The following ATP12A variants were observed in gnomAD, a reference collection of about 807,000 sequenced individuals.
ATP12A encodes the protein potassium-transporting ATPase alpha chain 2.
Under a neutral mutation model 111.2 loss-of-function variants are expected in ATP12A, and 81 were observed. The observed-to-expected ratio is 0.73, with a 90% CI of 0.61 to 0.88. ATP12A has a LOEUF of 0.88. Ranked by LOEUF, ATP12A falls within the 40% of genes least tolerant of loss-of-function variation. The pLI, the probability that ATP12A is intolerant of heterozygous loss-of-function variation, is 0.00. For synonymous variants in ATP12A, 498 were observed against 499.8 expected, an observed-to-expected ratio of 1.00 and a Z score of 0.05; for missense variants, 1,196 against 1,313.1, an observed-to-expected ratio of 0.91 and a Z score of 1.38.
Position 24,707,539 on chromosome 13 carries a change from G to A in ATP12A, c.2493+106G>A. 4 of 1,442,484 alleles carry A rather than the reference G, an allele frequency of 2.8e-6. No individual in the cohort carries two copies. The South Asian group carries it at 5.2e-5, about 19-fold the overall frequency. The allele number at this position is 1,442,484 out of a possible 1,614,324, so 89.4% of individuals were successfully genotyped here. A position where few individuals can be genotyped will look rare whatever the true frequency, so the allele number is the denominator to read the frequency against. On this transcript the variant is annotated intron_variant, in intron 17 of 22. Transcript: ENST00000381946. ...GGATGGACTAACTCAAGGCTTCTCA[G>A]CTTCCATGTGATGGGGCCTGTAGCT...
chr13:24,692,470 C>G lies in ATP12A; in HGVS notation c.1110C>G (p.Asn370Lys). Residue 370 changes from asparagine (N) to lysine (K), a missense_variant, in exon 9 of 23, where the codon AAC (asparagine) becomes AAG (lysine). This residue lies in a region of ATP12A where 1,126 missense variants were observed against 1,228.5 expected (regional missense o/e 0.92). Transcript: ENST00000381946. ...CAGCAAAACGGATGGCCAAGAAGAA[C>G]TGCCTGGTGAAGAACCTGGAGGCTG... ...SLTAKRMAKK[N>K]CLVKNLEAVE... is the part of the protein sequence containing the mutation. The G allele has an allele frequency of 2.5e-6, 4 of 1,614,168 alleles. No individual in the cohort carries two copies. The highest frequency in any genetic ancestry group is 3.4e-6 in the Non-Finnish European group (4 of 1,180,036).
At chr13:24,694,054 TC>T (rs1337136724) in intron 10 of ATP12A, among the ~76,000 whole-genome samples, 4 of 152,134 alleles carry the variant, frequency 2.6e-5, no homozygotes, top group African/African-American at 7.2e-5. Flanking sequence ...GCCCTCCAGG[TC>T]TTGCCACACC....
At position 24,694,468 on chromosome 13, in the gene ATP12A, G is replaced by T; in HGVS notation, c.1402G>T (p.Glu468Ter). 6.2e-7 allele frequency: 1 copy of T among 1,614,010 alleles called. No homozygotes were observed. The highest frequency in any genetic ancestry group is 8.5e-7 in the Non-Finnish European group (1 of 1,179,980). ...MKKAVIGDASETALLKFSEVI... is the reference protein window; with the variant it reads ...MKKAVIGDAS Reference sequence around the variant, plus strand: ...GAAAGCTGTGATTGGAGATGCCTCAGAAACTGCTCTTTTAAAATTCTCAGA... The same window carrying T: ...GAAAGCTGTGATTGGAGATGCCTCATAAACTGCTCTTTTAAAATTCTCAGA... Residue 468 changes from glutamate to a stop codon, truncating the protein, a stop_gained, in exon 11 of 23, where the codon GAA becomes TAA. Coordinates refer to ENST00000381946, the MANE Select transcript of ATP12A (RefSeq NM_001676.7). LOFTEE classifies it high-confidence loss of function.
chr13:24,708,204 A>G (rs117089195), intron 17 of ATP12A, among the ~76,000 whole-genome samples: 1,544 of 152,304 alleles, frequency 0.01, 15 homozygotes, highest in Non-Finnish European at 0.017. Flanking sequence ...AAGACTTTAT[A>G]AAGCCTTGCC....
Position 24,700,756 on chromosome 13 carries a change from A to T in ATP12A, c.1715A>T (p.His572Leu), listed in dbSNP as rs895746544. 7 of 1,613,440 alleles carry T rather than the reference A, an allele frequency of 4.3e-6. No homozygotes were observed. Among genetic ancestry groups the T allele is most frequent in the Admixed American group, 1.7e-5 (1 of 59,938 alleles). ...GLGERVLGFC[H>L]LYLPADEFPE... ...TTCATCTGTATTACAGGTTTCTGTC[A>T]TCTCTACCTGCCAGCAGACGAGTTT... The change falls in exon 13 of 23, where the codon CAT becomes CTT. Residue 572 changes from histidine (H) to leucine (L), a missense_variant. By Grantham distance (99) the His-to-Leu change is moderately conservative. Coordinates refer to ENST00000381946, the MANE Select transcript of ATP12A (RefSeq NM_001676.7).
In ATP12A at chr13:24,688,819, G is replaced by A. The variant is rs1209528893; in HGVS notation, c.432+297G>A. Among the ~76,000 whole-genome samples, 3 of 152,322 alleles carry A rather than the reference G, an allele frequency of 2.0e-5. No homozygotes were observed. In the East Asian group the frequency reaches 5.8e-4, roughly 29 times the overall value. On this transcript the variant is annotated intron_variant, in intron 4 of 22. Coordinates refer to ENST00000381946, the MANE Select transcript of ATP12A (RefSeq NM_001676.7). ...TTCCTTTAACACGGAGAGCAGCTGT[G>A]CCTGCCGAGACATGAGTACCAAATC...
At chr13:24,684,095 C>A (rs56083529) in intron 2 of ATP12A, among the ~76,000 whole-genome samples, 20,380 of 141,900 alleles carry the variant, frequency 0.14, 1,430 homozygotes, top group Middle Eastern at 0.24. Context: ...TCTCATCCCC[C>A]AGCCCAGGAA....
chr13:24,680,766 C>G lies in ATP12A; in HGVS notation c.9+14C>G, dbSNP rs1874400619. 1 of 1,488,724 alleles carries G rather than the reference C, an allele frequency of 6.7e-7. No individual in the cohort carries two copies. Among genetic ancestry groups the G allele is most frequent in the South Asian group, 1.3e-5 (1 of 79,092 alleles). 92.2% of individuals were successfully genotyped at this position (1,488,724 alleles called of 1,614,324 possible). A position where few individuals can be genotyped will look rare whatever the true frequency, so the allele number is the denominator to read the frequency against. On this transcript the variant is annotated intron_variant, in intron 1 of 22. Transcript: ENST00000381946. ...AGCATGCACCAGGTGCGTGCAGCCC[C>G]CGCGCCGGCCGAGGATGCGAGACGC...
intron 3 of ATP12A, among the ~76,000 whole-genome samples, chr13:24,686,495 CT>C (rs1263163397): frequency 6.6e-6 from 1 of 150,546 alleles, no homozygotes; most frequent in Admixed American, 6.6e-5. Context: ...AATCCCAGCA[CT>C]TTAGGAGGCC....
At chr13:24,695,843 C>T (rs561385819) in intron 11 of ATP12A, among the ~76,000 whole-genome samples, 2 of 152,160 alleles carry the variant, frequency 1.3e-5, no homozygotes, top group East Asian at 1.9e-4. Context: ...TCCTGACCTC[C>T]GGTGATCTAT....
chr13:24,695,650 C>T (rs1246253464), intron 11 of ATP12A, among the ~76,000 whole-genome samples: 1 of 141,414 alleles, frequency 7.1e-6, no homozygotes, highest in Non-Finnish European at 1.5e-5. Context: ...TCTTGTCACC[C>T]AGGCTGGAAT....
In ATP12A at chr13:24,709,553, G is replaced by A. The variant is rs989650231; in HGVS notation, c.2617+66G>A. ...CCCCGAGAATTCACTGGAGTGGGGG[G>A]CACAGCCAGAAAGTGTGGTTTTCCT... On this transcript the variant is annotated intron_variant, in intron 18 of 22. Transcript: ENST00000381946. The A allele has an allele frequency of 1.0e-5, 16 of 1,598,618 alleles. No homozygotes were observed. In the African/African-American group the frequency reaches 1.6e-4, roughly 16 times the overall value.
At position 24,680,748 on chromosome 13, in the gene ATP12A, A is replaced by T. The variant is rs1294456416; in HGVS notation, c.5A>T (p.His2Leu). The change falls in exon 1 of 23, where the codon CAC (histidine) becomes CTC (leucine). Residue 2 changes from histidine (H) to leucine (L), a missense_variant. Physicochemically the swap from His to Leu is moderately conservative, Grantham distance 99. Coordinates refer to ENST00000381946, the MANE Select transcript of ATP12A (RefSeq NM_001676.7). M[H>L]QKTPEIYSVE... ...CCGCGGCGCCACCAGCCCAGCATGC[A>T]CCAGGTGCGTGCAGCCCCCGCGCCG... The T allele has an allele frequency of 2.0e-5, 30 of 1,500,700 alleles. 4 individuals carry two copies. The highest frequency in any genetic ancestry group is 2.4e-5 in the Non-Finnish European group (27 of 1,132,282). 93.0% of individuals were successfully genotyped at this position (1,500,700 alleles called of 1,614,324 possible). A position where few individuals can be genotyped will look rare whatever the true frequency, so the allele number is the denominator to read the frequency against.
At chr13:24,694,408 T>C (rs939062435) in intron 10 of ATP12A, 36 bp from the exon 11 acceptor site, 6 of 1,610,964 alleles carry the variant, frequency 3.7e-6, no homozygotes, top group Non-Finnish European at 5.1e-6. Context: ...GTTCATTAAA[T>C]ATGTGCTGCA....
rs141696352 is a variant in ATP12A, at chr13:24,706,321, A to G, written c.2027A>G (p.Lys676Arg). Residue 676 changes from lysine (K) to arginine (R), a missense_variant, in exon 15 of 23, where the codon AAG becomes AGG. Transcript: ENST00000381946. ...TCTTCTGGCCCTTCTAGGGATGCCAAGGCCGCTGTGGTGACTGGCATGGAG... is the reference window on the plus strand; with the variant it reads ...TCTTCTGGCCCTTCTAGGGATGCCAGGGCCGCTGTGGTGACTGGCATGGAG... ...AVEQVNKRDA[K>R]AAVVTGMELK... is the part of the protein sequence containing the mutation. 578 of 1,613,926 alleles carry G rather than the reference A, an allele frequency of 3.6e-4. 5 individuals are homozygous for G. The South Asian group carries it at 5.6e-3, about 16-fold the overall frequency.
chr13:24,711,067 T>C (rs1348268658), intron 21 of ATP12A, among the ~76,000 whole-genome samples, 174 bp downstream of exon 21: 1 of 152,188 alleles, frequency 6.6e-6, no homozygotes, highest in African/African-American at 2.4e-5. Context: ...GAAGTGGAAA[T>C]GGGTTTTCTA....
intron 19 of ATP12A, 151 bp from the exon 20 acceptor site, chr13:24,710,309 G>A: frequency 1.0e-6 from 1 of 971,034 alleles, no homozygotes; most frequent in Non-Finnish European, 1.5e-6. Flanking sequence ...GTTCAAGAAA[G>A]AAAAATGTTT....
At position 24,709,355 on chromosome 13, in the gene ATP12A, C is replaced by T. The variant is rs1179495266; in HGVS notation, c.2494-9C>T. The T allele has an allele frequency of 1.3e-6, 2 of 1,486,254 alleles. No individual in the cohort carries two copies. Among genetic ancestry groups the T allele is most frequent in the Admixed American group, 1.8e-5 (1 of 55,000 alleles). The allele number at this position is 1,486,254 out of a possible 1,614,324, so 92.1% of individuals were successfully genotyped here. On this transcript the variant is annotated splice_polypyrimidine_tract_variant and intron_variant, in intron 17 of 22. Coordinates refer to ENST00000381946, the MANE Select transcript of ATP12A (RefSeq NM_001676.7). The stretch of plus-strand genomic sequence containing the variant: ...TGGGGTTAGACCTCACCAGCCTCTT[C>T]CCCTCTAGATCCCCTCCATTGCCTT...
rs1874442491 is a variant in ATP12A at position 24,681,737 on chromosome 13, C to T, written c.168+17C>T. ...CTCCATCTGGTCAGTAGCCTTAAGC[C>T]ACGGGGTCCTGCCGGCTATGGCCCT... is the stretch of plus-strand genomic sequence containing the variant. On this transcript the variant is annotated intron_variant, in intron 2 of 22. Coordinates refer to ENST00000381946, the MANE Select transcript of ATP12A (RefSeq NM_001676.7). 6.2e-7 allele frequency: 1 copy of T among 1,613,924 alleles called. No individual in the cohort carries two copies. Among genetic ancestry groups the T allele is most frequent in the South Asian group, 1.1e-5 (1 of 91,022 alleles).
Sources: gnomAD v4.1 joint callset for allele counts (sites outside exome capture counted in the v4.1 genomes callset) on GRCh38, gnomAD v4.1.1 for gene constraint, gnomAD v4.1.1 regional missense constraint, MANE v1.5 for transcripts, NCBI Gene and HGNC (gene_info 2026-07-23, HGNC 2026-07-21) for gene names.